The following EHBP1L1 variants were observed in gnomAD, a reference collection of about 807,000 sequenced individuals.
The protein encoded by EHBP1L1 is EH domain-binding protein 1-like protein 1.
EHBP1L1 carries 122 observed loss-of-function variants against 151.1 expected under a neutral mutation model. The ratio of observed to expected loss-of-function variants is 0.81; its 90% confidence interval spans 0.70 to 0.94. The LOEUF is 0.94. EHBP1L1 is among the 40% of genes least tolerant of loss of function. The probability of loss-of-function intolerance (pLI) is 0.00; values close to 1 mark genes in which losing one functional copy is unlikely to be tolerated. For missense variants in EHBP1L1, 1,941 were observed against 1,959.8 expected, an observed-to-expected ratio of 0.99 and a Z score of 0.18; for synonymous variants, 878 against 810.1, an observed-to-expected ratio of 1.08 and a Z score of -1.42.
rs754810463 is a variant in EHBP1L1 at position 65,583,707 on chromosome 11, C to T, written c.3035C>T (p.Ala1012Val). 9.2e-5 allele frequency: 143 copies of T among 1,555,614 alleles called. 1 individual carries two copies. In the East Asian group the frequency reaches 1.9e-3, roughly 21 times the overall value. The change falls in exon 9 of 19, where the codon GCG becomes GTG. Residue 1012 changes from alanine to valine, a missense_variant. Transcript: ENST00000309295. ...AQVASGAGAGAPRASSPEKAE... is the reference protein window; with the variant it reads ...AQVASGAGAGVPRASSPEKAE... ...GTGGCCAGTGGGGCAGGGGCTGGGG[C>T]GCCCAGGGCCTCTTCCCCAGAGAAG...
Position 65,581,265 on chromosome 11 carries a change from C to T in EHBP1L1, c.758C>T (p.Ala253Val), listed in dbSNP as rs199688470. ...AGCCCAGCCCCTGTGAGTGCTCCTG[C>T]ACCCCCAGCCAGAACCTCCCGAGGC... ...DTSPAPVSAP[A>V]PPARTSRGQG... Residue 253 changes from alanine to valine, a missense_variant, in exon 8 of 19, where the codon GCA (alanine) becomes GTA (valine). Ala to Val is a moderately conservative substitution (Grantham distance 64). Coordinates refer to ENST00000309295, the MANE Select transcript of EHBP1L1 (RefSeq NM_001099409.3). The T allele has an allele frequency of 2.2e-4, 351 of 1,611,856 alleles. No homozygotes were observed. The highest frequency in any genetic ancestry group is 2.8e-4 in the Non-Finnish European group (334 of 1,179,484).
At chr11:65,584,431 G>A (rs1272892953) in intron 10 of EHBP1L1, 33 bp downstream of exon 10, 1 of 1,613,554 alleles carries the variant, frequency 6.2e-7, no homozygotes. Context: ...ACGAATGGGG[G>A]AGCCATCAGG....
chr11:65,584,990 C>T lies in EHBP1L1; in HGVS notation c.3332C>T (p.Ser1111Leu). Residue 1111 changes from serine to leucine, a missense_variant, in exon 12 of 19, where the codon TCG becomes TTG. Ser to Leu is a moderately radical substitution (Grantham distance 145, BLOSUM62 -2). Coordinates refer to ENST00000309295, the MANE Select transcript of EHBP1L1 (RefSeq NM_001099409.3). ...AFDGFAALGV[S>L]RLLEPADMVL... ...GATGGCTTCGCGGCTCTGGGCGTGT[C>T]GCGGCTGCTGGAGCCCGCGGACATG... 2 of 1,534,320 alleles carry T rather than the reference C, an allele frequency of 1.3e-6. No homozygotes were observed. The highest frequency in any genetic ancestry group is 1.7e-6 in the Non-Finnish European group (2 of 1,146,282).
intron 6 of EHBP1L1, 153 bp from the exon 7 acceptor site, chr11:65,580,905 T>G (rs1857567153): frequency 7.0e-7 from 1 of 1,432,672 alleles, no homozygotes; most frequent in Non-Finnish European, 9.1e-7. Context: ...TCTCCACATC[T>G]GTGGGCCTGT....
intron 16 of EHBP1L1, chr11:65,591,581 G>A (rs1203602609): frequency 1.6e-6 from 1 of 613,364 alleles, no homozygotes. Context: ...GGGGGTGTGT[G>A]GGAGGAGCAA....
intron 1 of EHBP1L1, 63 bp downstream of exon 1, chr11:65,576,469 G>GGCCCTGC: frequency 6.9e-7 from 1 of 1,447,270 alleles, no homozygotes; most frequent in Non-Finnish European, 9.4e-7. Context: ...GGCCCTTTGA[G>GGCCCTGC]CCTGAGAGGA....
At position 65,581,833 on chromosome 11, in the gene EHBP1L1, A is replaced by G. The variant is rs780953961; in HGVS notation, c.1161A>G (p.Pro387=). ...AAGAGATGGACACTGAGGACAGGCC[A>G]GAGGCCAGTGGGGTGGACACTGAGC... ...KAEEMDTEDR[P]EASGVDTEPR... Residue 387 remains proline (P), a synonymous_variant, in exon 9 of 19, where the codon CCA becomes CCG. Transcript: ENST00000309295. 6.8e-6 allele frequency: 11 copies of G among 1,613,552 alleles called. No homozygotes were observed. Among genetic ancestry groups the G allele is most frequent in the Middle Eastern group, 1.6e-4 (1 of 6,084 alleles).
At chr11:65,578,941 C>A in intron 1 of EHBP1L1, 137 bp from the exon 2 acceptor site, 1 of 839,750 alleles carries the variant, frequency 1.2e-6, no homozygotes, top group Non-Finnish European at 1.9e-6. Context: ...GCTGCCCAGG[C>A]CCTCTTCTGG....
intron 3 of EHBP1L1, 24 bp downstream of exon 3, chr11:65,579,460 G>A: frequency 4.1e-6 from 6 of 1,450,208 alleles, no homozygotes; most frequent in Non-Finnish European, 5.5e-6. Flanking sequence ...CCTCCAGCAT[G>A]GATGGCAATT....
chr11:65,580,944 G>C (rs965718236), intron 6 of EHBP1L1, 114 bp from the exon 7 acceptor site: 3 of 1,463,674 alleles, frequency 2.0e-6, no homozygotes, highest in Non-Finnish European at 2.7e-6. Context: ...GCGGTGCCCT[G>C]AGGCCAGGGC....
chr11:65,577,691 C>CG (rs1302863892), intron 1 of EHBP1L1, among the ~76,000 whole-genome samples: 1 of 152,188 alleles, frequency 6.6e-6, no homozygotes, highest in East Asian at 1.9e-4. Flanking sequence ...ACCCCCTGTC[C>CG]GCTTCCCCTT....
At position 65,585,288 on chromosome 11, in the gene EHBP1L1, G is replaced by A. The variant is rs945012891; in HGVS notation, c.3630G>A (p.Arg1210=). 9.3e-6 allele frequency: 10 copies of A among 1,076,032 alleles called. No homozygotes were observed. In the African/African-American group the frequency reaches 1.7e-4, roughly 18 times the overall value. The allele number at this position is 1,076,032 out of a possible 1,614,324, so 66.7% of individuals were successfully genotyped here. The change falls in exon 12 of 19, where the codon AGG becomes AGA. Residue 1210 remains arginine (R), a synonymous_variant. Transcript: ENST00000309295. This position sits in a 1 kb window ranked among gnomAD's most constrained non-coding sequence, Gnocchi z 4.0. ...ADGAAPGVAS[R]NAVAGRASKD... Reference sequence around the variant, plus strand: ...GGGCGGCCCCGGGGGTGGCCTCCAGGAACGCGGTCGCGGGCCGCGCCTCCA... The same window carrying A: ...GGGCGGCCCCGGGGGTGGCCTCCAGAAACGCGGTCGCGGGCCGCGCCTCCA...
rs562950898 is a variant in EHBP1L1 at position 65,578,956 on chromosome 11, G to A, written c.105-122G>A. On this transcript the variant is annotated intron_variant, in intron 1 of 18. Coordinates refer to ENST00000309295, the MANE Select transcript of EHBP1L1 (RefSeq NM_001099409.3). ...GCTGCCCAGGCCCTCTTCTGGAGGA[G>A]GGGGAGGTGGGCAGAAGGAAGACCC... 1,705 of 944,540 alleles carry A rather than the reference G, an allele frequency of 1.8e-3. 47 individuals are homozygous for A. The highest frequency in any genetic ancestry group is 1.9e-4 in the East Asian group (7 of 37,786). 58.5% of individuals were successfully genotyped at this position (944,540 alleles called of 1,614,324 possible). A position where few individuals can be genotyped will look rare whatever the true frequency, so the allele number is the denominator to read the frequency against.
At chr11:65,578,543 G>T (rs184337892) in intron 1 of EHBP1L1, among the ~76,000 whole-genome samples, 296 of 152,252 alleles carry the variant, frequency 1.9e-3, no homozygotes, top group African/African-American at 6.8e-3. Context: ...CTTCTTGACT[G>T]GTAGTCTGCC....
intron 1 of EHBP1L1, 43 bp from the exon 2 acceptor site, chr11:65,579,035 A>G: frequency 6.5e-7 from 1 of 1,545,000 alleles, no homozygotes; most frequent in Non-Finnish European, 8.8e-7. Context: ...GAGCCTGACC[A>G]AGCAGCCTGC....
chr11:65,576,135 G>A lies in EHBP1L1; in HGVS notation c.-168G>A. 1 of 439,418 alleles carries A rather than the reference G, an allele frequency of 2.3e-6. No homozygotes were observed. Among genetic ancestry groups the A allele is most frequent in the East Asian group, 4.0e-5 (1 of 24,928 alleles). The allele number at this position is 439,418 out of a possible 1,614,324, so 27.2% of individuals were successfully genotyped here. On this transcript the variant is annotated 5_prime_UTR_variant, in exon 1 of 19. Coordinates refer to ENST00000309295, the MANE Select transcript of EHBP1L1 (RefSeq NM_001099409.3). ...GCAGACTCAGCCAGACCACCCTGCG[G>A]GCCCCAGCGGCGGCAGCGGAGAGCG...
chr11:65,590,354 C>A, intron 15 of EHBP1L1, 139 bp from the exon 16 acceptor site: 1 of 1,502,880 alleles, frequency 6.7e-7, no homozygotes. Context: ...ATGCTGAGGC[C>A]CTGAAGTGGC....
chr11:65,592,195 C>T lies in EHBP1L1; in HGVS notation c.4473-8C>T. The T allele has an allele frequency of 6.4e-7, 1 of 1,571,976 alleles. No individual in the cohort carries two copies. Among genetic ancestry groups the T allele is most frequent in the Non-Finnish European group, 8.6e-7 (1 of 1,164,426 alleles). The stretch of plus-strand genomic sequence containing the variant: ...AACGGAGCGCTGACTCGAACCCGTT[C>T]TCCCCAGCGCCCTGGAGGAGGACGA... On this transcript the variant is annotated splice_region_variant and splice_polypyrimidine_tract_variant and intron_variant, in intron 18 of 18. Coordinates refer to ENST00000309295, the MANE Select transcript of EHBP1L1 (RefSeq NM_001099409.3).
At chr11:65,580,032 C>T (rs1390594855) in intron 4 of EHBP1L1, 43 bp downstream of exon 4, 2 of 1,613,550 alleles carry the variant, frequency 1.2e-6, no homozygotes, top group East Asian at 2.2e-5. Flanking sequence ...CTTGGGGACC[C>T]TGGGACAGCA....
Sources: allele counts gnomAD v4.1 joint callset (sites outside exome capture counted in the v4.1 genomes callset), GRCh38; gene constraint gnomAD v4.1.1; non-coding constraint Gnocchi (gnomAD v3.1); transcripts MANE v1.5; gene names NCBI Gene and HGNC (gene_info 2026-07-23, HGNC 2026-07-21).